TAOK2: variants seen among roughly 807,000 people sequenced by gnomAD.
The protein encoded by TAOK2 is TAO kinase 2.
A neutral mutation model predicts 122.5 loss-of-function variants in TAOK2; 42 were observed. That is an observed-to-expected ratio of 0.34 (90% CI 0.27 to 0.44). The LOEUF (loss-of-function observed/expected upper bound fraction) is 0.44. TAOK2 is among the 20% of genes least tolerant of loss of function. The pLI is 1.00. For missense variants in TAOK2, 1,264 were observed against 1,644.9 expected (o/e 0.77, Z 4.01); for synonymous variants, 704 against 677.6 (o/e 1.04, Z -0.61).
chr16:29,988,186 C>A lies in TAOK2; in HGVS notation c.*206C>A. The A allele has an allele frequency of 7.0e-7, 1 of 1,432,408 alleles. No individual in the cohort carries two copies. The highest frequency in any genetic ancestry group is 9.1e-7 in the Non-Finnish European group (1 of 1,098,732). The allele number at this position is 1,432,408 out of a possible 1,614,324, so 88.7% of individuals were successfully genotyped here. On this transcript the variant is annotated 3_prime_UTR_variant, in exon 16 of 16. Transcript: ENST00000308893. ...AGTCACTCTGTGTTCTCCTGGCGCT[C>A]CTCCCCTAAGTTATTGCTGTTCGCC... is the stretch of plus-strand genomic sequence containing the variant.
rs1028054126 is a variant in TAOK2 at position 29,985,094 on chromosome 16, G to T, written c.1423-119G>T. On this transcript the variant is annotated intron_variant, in intron 13 of 15. Transcript: ENST00000308893. This position sits in a 1 kb window ranked among gnomAD's most constrained non-coding sequence, Gnocchi z 6.9. Reference sequence around the variant, plus strand: ...TAGAGTGGCCGTGTGTGAGGAAGGTGTTAAATGAGAATGAAACCCATGAGT... The same window carrying T: ...TAGAGTGGCCGTGTGTGAGGAAGGTTTTAAATGAGAATGAAACCCATGAGT... The T allele has an allele frequency of 1.5e-5, 20 of 1,310,532 alleles. No homozygotes were observed. Among genetic ancestry groups the T allele is most frequent in the Non-Finnish European group, 1.9e-5 (19 of 1,002,092 alleles). 81.2% of individuals were successfully genotyped at this position (1,310,532 alleles called of 1,614,324 possible). A position where few individuals can be genotyped will look rare whatever the true frequency, so the allele number is the denominator to read the frequency against.
downstream of TAOK2, chr16:29,989,016 C>G: frequency 1.0e-6 from 1 of 985,394 alleles, no homozygotes; most frequent in Non-Finnish European, 1.2e-6. Flanking sequence ...CCCTTCTTAC[C>G]CATTTCTCAG....
In TAOK2 at chr16:29,987,489, C is replaced by T. The variant is rs1342464401; in HGVS notation, c.3217C>T (p.Gln1073Ter). ...MAAGGRWVRQ[Q>*]GPRVRRGISR... ...AGCGGGGGGCAGATGGGTGCGGCAG[C>T]AGGGCCCCCGGGTGCGCCGGGGCAT... The change falls in exon 16 of 16, where the codon CAG (glutamine) becomes TAG (stop). Residue 1073 changes from glutamine (Q) to a stop codon, truncating the protein, a stop_gained. Coordinates refer to ENST00000308893, the MANE Select transcript of TAOK2 (RefSeq NM_016151.4). LOFTEE classifies it high-confidence loss of function. 6.3e-7 allele frequency: 1 copy of T among 1,594,964 alleles called. No homozygotes were observed. Among genetic ancestry groups the T allele is most frequent in the Non-Finnish European group, 8.6e-7 (1 of 1,169,308 alleles).
rs1223511523 is a variant in TAOK2 at position 29,987,780 on chromosome 16, T to C, written c.3508T>C (p.Ser1170Pro). The C allele has an allele frequency of 3.1e-6, 5 of 1,613,818 alleles. No homozygotes were observed. The highest frequency in any genetic ancestry group is 4.2e-6 in the Non-Finnish European group (5 of 1,179,916). The stretch of plus-strand genomic sequence containing the variant: ...GGCACGGGCCAGCCAGGGTTTAGCA[T>C]CCCACTTGCCCCCGTGGGCCATCCA... The part of the protein sequence containing the change: ...RLARASQGLA[S>P]HLPPWAIHTL... The change falls in exon 16 of 16, where the codon TCC becomes CCC. Residue 1170 changes from serine (S) to proline (P), a missense_variant. Ser to Pro is a moderately conservative substitution (Grantham distance 74). Transcript: ENST00000308893.
intron 2 of TAOK2, 37 bp from the exon 3 acceptor site, chr16:29,978,052 A>C (rs1201321151): frequency 5.0e-6 from 8 of 1,613,446 alleles, no homozygotes; most frequent in Non-Finnish European, 5.9e-6. Flanking sequence ...CCCGGCTCTC[A>C]ATGGGGCCTT....
chr16:29,989,228 T>C, downstream of TAOK2: 1 of 985,342 alleles, frequency 1.0e-6, no homozygotes, highest in Non-Finnish European at 1.2e-6. Flanking sequence ...TGGTCAGAGC[T>C]TCCAAGATCC....
rs2069815498 is a variant in TAOK2 at position 29,986,846 on chromosome 16, G to A, written c.2574G>A (p.Glu858=). ...GGGTGCCCTCCCTTGTACCCCAGGA[G>A]AGGAGCATTGTTGGCCAGGAGGAGG... ...ELRVPSLVPQ[E]RSIVGQEEAG... Residue 858 remains glutamate (E), a synonymous_variant, in exon 16 of 16, where the codon GAG becomes GAA. Coordinates refer to ENST00000308893, the MANE Select transcript of TAOK2 (RefSeq NM_016151.4). This position sits in a 1 kb window ranked among gnomAD's most constrained non-coding sequence, Gnocchi z 4.2. The A allele has an allele frequency of 6.2e-7, 1 of 1,614,072 alleles. No homozygotes were observed. The highest frequency in any genetic ancestry group is 8.5e-7 in the Non-Finnish European group (1 of 1,179,956).
chr16:29,988,178 C>T lies in TAOK2; in HGVS notation c.*198C>T. ...AGTCCAGCAGTCACTCTGTGTTCTC[C>T]TGGCGCTCCTCCCCTAAGTTATTGC... is the stretch of plus-strand genomic sequence containing the variant. On this transcript the variant is annotated 3_prime_UTR_variant, in exon 16 of 16. Transcript: ENST00000308893. 1.4e-6 allele frequency: 2 copies of T among 1,432,826 alleles called. No homozygotes were observed. Among genetic ancestry groups the T allele is most frequent in the South Asian group, 1.5e-5 (1 of 66,472 alleles). The allele number at this position is 1,432,826 out of a possible 1,614,324, so 88.8% of individuals were successfully genotyped here.
downstream of TAOK2, chr16:29,991,750 G>A (rs1490106387): frequency 9.1e-6 from 7 of 772,748 alleles, no homozygotes; most frequent in African/African-American, 1.8e-5. The surrounding 1 kb of genome is among the most constrained non-coding windows in gnomAD (Gnocchi z 5.6). Context: ...CCAGCTTGGC[G>A]ATAGGTGCCT....
intron 12 of TAOK2, 72 bp downstream of exon 12, chr16:29,983,404 A>G: frequency 2.6e-6 from 4 of 1,561,374 alleles, no homozygotes; most frequent in Non-Finnish European, 3.5e-6. Flanking sequence ...CTCCTTCCCT[A>G]AGTGCAGCAC....
downstream of TAOK2, chr16:29,989,728 G>A (rs1306806774): frequency 1.2e-6 from 2 of 1,614,048 alleles, no homozygotes; most frequent in Non-Finnish European, 1.7e-6. Context: ...GCGGCTCAAG[G>A]AAGAGCAGAC....
rs2069372724 is a variant in TAOK2 at position 29,973,905 on chromosome 16, C to G, written c.-779C>G. 2 of 151,820 alleles carry G rather than the reference C, an allele frequency of 1.3e-5. No homozygotes were observed. Among genetic ancestry groups the G allele is most frequent in the Admixed American group, 1.3e-4 (2 of 15,272 alleles). The allele number at this position is 151,820 out of a possible 1,614,324, so 9.4% of individuals were successfully genotyped here. A position where few individuals can be genotyped will look rare whatever the true frequency, so the allele number is the denominator to read the frequency against. On this transcript the variant is annotated 5_prime_UTR_variant, in exon 1 of 16. Coordinates refer to ENST00000308893, the MANE Select transcript of TAOK2 (RefSeq NM_016151.4). ...ATTGGGAGGAAGAGGGAGAGGGAGA[C>G]CGGGACGAGACCGGGGCTGTGGTGC... is the stretch of plus-strand genomic sequence containing the variant.
downstream of TAOK2, chr16:29,989,262 G>A (rs546800315): frequency 5.1e-6 from 5 of 985,112 alleles, no homozygotes; most frequent in East Asian, 2.3e-4. Flanking sequence ...CAGTAACTCC[G>A]ATGTTCTTTC....
intron 12 of TAOK2, 42 bp from the exon 13 acceptor site, chr16:29,983,461 A>T: frequency 1.9e-6 from 3 of 1,581,140 alleles, no homozygotes; most frequent in Non-Finnish European, 2.6e-6. Context: ...CTTTGGACCC[A>T]GTGGCCTCTG....
At position 29,987,654 on chromosome 16, in the gene TAOK2, C is replaced by T; in HGVS notation, c.3382C>T (p.Pro1128Ser). The change falls in exon 16 of 16, where the codon CCC (proline) becomes TCC (serine). Residue 1128 changes from proline (P) to serine (S), a missense_variant. Around this residue, in one of 4 missense-constraint regions of TAOK2, gnomAD observed 824 missense variants for 908.7 expected, o/e 0.91. Transcript: ENST00000308893. ...CAAGGATGGCTTCCGCAGCCGCCTG[C>T]CCGTCCCTGGGCCCCGGCGGCGTAA... ...TNKDGFRSRL[P>S]VPGPRRRNPR... 6.2e-7 allele frequency: 1 copy of T among 1,613,690 alleles called. No homozygotes were observed. The highest frequency in any genetic ancestry group is 8.5e-7 in the Non-Finnish European group (1 of 1,179,722).
rs773843358 is a variant in TAOK2, at chr16:29,982,811, G to C, written c.909G>C (p.Glu303Asp). 1.2e-6 allele frequency: 2 copies of C among 1,614,104 alleles called. No homozygotes were observed. The highest frequency in any genetic ancestry group is 1.7e-6 in the Non-Finnish European group (2 of 1,179,982). ...AGAGGACCAAGGATGCCGTGCGGGA[G>C]CTGGACAACCTGCAGTACCGCAAGA... ...LIQRTKDAVR[E>D]LDNLQYRKMK... The change falls in exon 11 of 16, where the codon GAG becomes GAC. Residue 303 changes from glutamate (E) to aspartate (D), a missense_variant. Glu to Asp is a conservative substitution (Grantham distance 45). This residue lies in a region of TAOK2 where 254 missense variants were observed against 503.8 expected (regional missense o/e 0.50). Transcript: ENST00000308893.
Position 29,983,224 on chromosome 16 carries a change from G to C in TAOK2, c.1152G>C (p.Glu384Asp). ...ACAACGAGGAAGAGGAGGAGGAGGAGGAGGAAGAGGAGGAGGAGGAAGAAG... is the reference window on the plus strand; with the variant it reads ...ACAACGAGGAAGAGGAGGAGGAGGACGAGGAAGAGGAGGAGGAGGAAGAAG... ...ASDNEEEEEE[E>D]EEEEEEEEGP... The change falls in exon 12 of 16, where the codon GAG (glutamate) becomes GAC (aspartate). Residue 384 changes from glutamate (E) to aspartate (D), a missense_variant. Glu to Asp is a conservative substitution (Grantham distance 45). Coordinates refer to ENST00000308893, the MANE Select transcript of TAOK2 (RefSeq NM_016151.4). 1 of 1,612,824 alleles carries C rather than the reference G, an allele frequency of 6.2e-7. No individual in the cohort carries two copies. The highest frequency in any genetic ancestry group is 8.5e-7 in the Non-Finnish European group (1 of 1,179,846).
In TAOK2 at chr16:29,985,258, G is replaced by T; in HGVS notation, c.1468G>T (p.Glu490Ter). ...GCATGAGCAGGACTCTGCGCTGCGG[G>T]AGCAGCTGAGCGGCTATAAGCGGAT... ...QEHEQDSALR[E>*]QLSGYKRMRR... Residue 490 changes from glutamate to a stop codon, truncating the protein, a stop_gained, in exon 14 of 16, where the codon GAG becomes TAG. Transcript: ENST00000308893. LOFTEE classifies it high-confidence loss of function. The surrounding 1 kb of genome is among the most constrained non-coding windows in gnomAD (Gnocchi z 6.9). 1 of 1,557,078 alleles carries T rather than the reference G, an allele frequency of 6.4e-7. No homozygotes were observed. Among genetic ancestry groups the T allele is most frequent in the Non-Finnish European group, 8.7e-7 (1 of 1,150,074 alleles).
intron 8 of TAOK2, chr16:29,980,887 T>G (rs993510024): frequency 6.6e-6 from 1 of 152,234 alleles, no homozygotes; most frequent in African/African-American, 2.4e-5. Flanking sequence ...AACTGGAGAT[T>G]GCTGTTTCCA....
Sources: allele counts gnomAD v4.1 joint callset, GRCh38; gene constraint gnomAD v4.1.1; regional missense constraint gnomAD v4.1.1; non-coding constraint Gnocchi (gnomAD v3.1); transcripts MANE v1.5; gene names NCBI Gene and HGNC (gene_info 2026-07-23, HGNC 2026-07-21).